PIP4K2A: variants seen among roughly 807,000 people sequenced by gnomAD.
The protein encoded by PIP4K2A is phosphatidylinositol 5-phosphate 4-kinase type-2 alpha.
Under a neutral mutation model 42.9 loss-of-function variants are expected in PIP4K2A, and 14 were observed. The observed-to-expected ratio is 0.33, with a 90% CI of 0.22 to 0.51. The LOEUF is 0.51. Ranked by LOEUF, PIP4K2A falls within the 20% of genes least tolerant of loss-of-function variation. The pLI, the probability that PIP4K2A is intolerant of heterozygous loss-of-function variation, is 0.97. For missense variants in PIP4K2A, 434 were observed against 519.8 expected (o/e 0.83, Z 1.61); for synonymous variants, 192 against 192.2 (o/e 1.00, Z 0.01).
intron 3 of PIP4K2A, among the ~76,000 whole-genome samples, chr10:22,601,130 C>CAAAAAAAAAAAAAAAAAAAAAAAAA (rs1188396077): frequency 2.5e-4 from 8 of 31,926 alleles, no homozygotes; most frequent in Non-Finnish European, 4.4e-4. Flanking sequence ...GAGACTGTCT[C>CAAAAAAAAAAAAAAAAAAAAAAAAA]AAAAAAAAAA....
At chr10:22,598,782 T>C (rs915717068) in intron 3 of PIP4K2A, among the ~76,000 whole-genome samples, 3 of 152,222 alleles carry the variant, frequency 2.0e-5, no homozygotes. Context: ...TGCTCATTCT[T>C]CTAATTATTA....
Position 22,537,007 on chromosome 10 carries a change from T to C in PIP4K2A, c.*194A>G. The C allele has an allele frequency of 2.0e-6, 1 of 504,528 alleles. No individual in the cohort carries two copies. 31.3% of individuals were successfully genotyped at this position (504,528 alleles called of 1,614,324 possible). On this transcript the variant is annotated 3_prime_UTR_variant, in exon 10 of 10. Transcript: ENST00000376573. The stretch of plus-strand genomic sequence containing the variant: ...ACATATACACAAAGTCAGAAATAGC[T>C]AGAACGATGCTGGGAAAATCAGGTA...
intron 1 of PIP4K2A, among the ~76,000 whole-genome samples, chr10:22,697,938 C>A (rs1223746968): frequency 6.6e-6 from 1 of 152,114 alleles, no homozygotes; most frequent in Admixed American, 6.5e-5. Context: ...AGAATTCTGC[C>A]TGCCATTAAA....
chr10:22,606,908 G>A (rs1277790890), intron 3 of PIP4K2A, among the ~76,000 whole-genome samples: 1 of 152,076 alleles, frequency 6.6e-6, no homozygotes, highest in African/African-American at 2.4e-5. Context: ...CTTGGGGATG[G>A]GACCCAAGTC....
intron 8 of PIP4K2A, among the ~76,000 whole-genome samples, 192 bp downstream of exon 8, chr10:22,541,611 TC>T (rs1473319043): frequency 6.6e-6 from 1 of 152,164 alleles, no homozygotes; most frequent in African/African-American, 2.4e-5. Context: ...AAAGGTCCGA[TC>T]GCCTTATGTT....
At chr10:22,630,633 G>A (rs16922529) in intron 1 of PIP4K2A, among the ~76,000 whole-genome samples, 18,323 of 152,172 alleles carry the variant, frequency 0.12, 1,223 homozygotes, top group Middle Eastern at 0.2. Context: ...TGACCCAACC[G>A]TTCTGTTTTT....
intron 1 of PIP4K2A, among the ~76,000 whole-genome samples, chr10:22,675,698 T>C (rs965502617): frequency 4.6e-5 from 7 of 152,124 alleles, no homozygotes; most frequent in Non-Finnish European, 8.8e-5. Context: ...GCAGAATGGT[T>C]CCCTTAAATG....
chr10:22,621,690 T>G (rs895998678), intron 1 of PIP4K2A, among the ~76,000 whole-genome samples: 1 of 152,212 alleles, frequency 6.6e-6, no homozygotes, highest in Non-Finnish European at 1.5e-5. Flanking sequence ...GTGACAGCTG[T>G]GCATTCAGAA....
intron 7 of PIP4K2A, among the ~76,000 whole-genome samples, chr10:22,543,539 C>T (rs1377776866): frequency 1.3e-5 from 2 of 152,234 alleles, no homozygotes; most frequent in South Asian, 2.1e-4. Flanking sequence ...GAAGCCACTG[C>T]TCATCCCCCC....
At chr10:22,713,937 T>A (rs751420761) in intron 1 of PIP4K2A, 161 of 351,670 alleles carry the variant, frequency 4.6e-4, no homozygotes, top group Non-Finnish European at 7.9e-4. Context: ...GAGACTCACA[T>A]GCACACGGGA....
intron 1 of PIP4K2A, among the ~76,000 whole-genome samples, chr10:22,671,510 C>T (rs138976493): frequency 2.0e-5 from 3 of 151,998 alleles, no homozygotes; most frequent in Non-Finnish European, 2.9e-5. Flanking sequence ...CCTGGCACTG[C>T]GATAAACAAG....
chr10:22,565,710 C>T (rs554516533), intron 6 of PIP4K2A, among the ~76,000 whole-genome samples: 21 of 152,288 alleles, frequency 1.4e-4, no homozygotes, highest in African/African-American at 2.4e-4. Context: ...ACCAGTGAGC[C>T]GGGCGGAACA....
intron 1 of PIP4K2A, among the ~76,000 whole-genome samples, chr10:22,689,894 A>G (rs1839828959): frequency 6.6e-6 from 1 of 152,230 alleles, no homozygotes. Context: ...TCATGTCACA[A>G]AAGACTGATG....
chr10:22,617,446 C>A (rs1838199541), intron 1 of PIP4K2A, among the ~76,000 whole-genome samples: 1 of 152,162 alleles, frequency 6.6e-6, no homozygotes, highest in Admixed American at 6.5e-5. Context: ...GCTCATAAAT[C>A]CTGAGAGGCA....
intron 1 of PIP4K2A, among the ~76,000 whole-genome samples, chr10:22,671,745 T>C (rs1175742849): frequency 2.1e-5 from 3 of 144,582 alleles, no homozygotes; most frequent in African/African-American, 7.6e-5. Flanking sequence ...ACTTGGAAAA[T>C]ACACACACAC....
intron 1 of PIP4K2A, among the ~76,000 whole-genome samples, chr10:22,639,762 G>A (rs975975003): frequency 6.6e-6 from 1 of 152,058 alleles, no homozygotes; most frequent in South Asian, 2.1e-4. Context: ...AGCATAAAAG[G>A]ATTGTTATGA....
intron 1 of PIP4K2A, chr10:22,694,721 T>C (rs1190944659): frequency 6.6e-6 from 1 of 152,336 alleles, no homozygotes; most frequent in African/African-American, 2.4e-5. Flanking sequence ...AAACTCAGAC[T>C]GTACAGAAAG....
At chr10:22,591,387 A>C (rs1307801871) in intron 4 of PIP4K2A, among the ~76,000 whole-genome samples, 1 of 152,252 alleles carries the variant, frequency 6.6e-6, no homozygotes, top group Admixed American at 6.5e-5. Context: ...ACTATTACAC[A>C]AGAGTATTTA....
intron 1 of PIP4K2A, among the ~76,000 whole-genome samples, chr10:22,702,297 C>G (rs552234410): frequency 1.3e-5 from 2 of 152,308 alleles, no homozygotes; most frequent in South Asian, 4.1e-4. Context: ...TATCCCTATT[C>G]TTACAATGTT....
Sources: allele counts gnomAD v4.1 joint callset (sites outside exome capture counted in the v4.1 genomes callset), GRCh38; gene constraint gnomAD v4.1.1; transcripts MANE v1.5; gene names NCBI Gene and HGNC (gene_info 2026-07-23, HGNC 2026-07-21).